The following CPNE4 variants were observed in gnomAD, a reference collection of about 807,000 sequenced individuals.
The protein encoded by CPNE4 is copine 4, also known as copine-4.
Under a neutral mutation model 67.9 loss-of-function variants are expected in CPNE4, and 25 were observed. That is an observed-to-expected ratio of 0.37 (90% CI 0.27 to 0.51). The LOEUF (loss-of-function observed/expected upper bound fraction) is 0.51. Among genes scored for constraint, CPNE4 ranks in the 20% least tolerant of loss-of-function variants. CPNE4 has a pLI of 0.93. For missense variants in CPNE4, 464 were observed against 690.8 expected (o/e 0.67, Z 3.68); for synonymous variants, 242 against 244.9 (o/e 0.99, Z 0.11).
chr3:131,843,975 A>T (rs1204487335), intron 2 of CPNE4, among the ~76,000 whole-genome samples: 1 of 152,186 alleles, frequency 6.6e-6, no homozygotes, highest in East Asian at 1.9e-4. Flanking sequence ...TGTCCCTTGG[A>T]TAGAGCTGCT....
intron 2 of CPNE4, among the ~76,000 whole-genome samples, chr3:131,852,334 G>T (rs948341776): frequency 6.6e-6 from 1 of 151,872 alleles, no homozygotes; most frequent in Non-Finnish European, 1.5e-5. Flanking sequence ...AGGTAAGTGG[G>T]TTTCATCTCA....
At chr3:131,589,137 G>A (rs72999243) in intron 7 of CPNE4, among the ~76,000 whole-genome samples, 3,806 of 152,178 alleles carry the variant, frequency 0.025, 83 homozygotes, top group African/African-American at 0.067. Context: ...GAATTGGCTC[G>A]CACAATTACA....
At chr3:132,007,021 G>A (rs1321098767) in intron 1 of CPNE4, among the ~76,000 whole-genome samples, 2 of 152,102 alleles carry the variant, frequency 1.3e-5, no homozygotes, top group African/African-American at 4.8e-5. Flanking sequence ...CATTTCTGCT[G>A]GTCCAGGGCT....
intron 2 of CPNE4, among the ~76,000 whole-genome samples, chr3:131,902,704 T>C (rs2088598642): frequency 6.6e-6 from 1 of 152,058 alleles, no homozygotes; most frequent in African/African-American, 2.4e-5. Flanking sequence ...AAGACTAAAA[T>C]AAATATGTAC....
chr3:131,973,559 A>C (rs1203999780), intron 1 of CPNE4, among the ~76,000 whole-genome samples: 4 of 152,230 alleles, frequency 2.6e-5, no homozygotes, highest in Non-Finnish European at 5.9e-5. Context: ...AAGGAAGCTG[A>C]GAATCAAAAA....
At chr3:131,741,684 T>C (rs140199540) in intron 2 of CPNE4, among the ~76,000 whole-genome samples, 1 of 152,300 alleles carries the variant, frequency 6.6e-6, no homozygotes, top group Admixed American at 6.5e-5. Context: ...AAGATTTGCC[T>C]GACTATGAAA....
At chr3:131,748,321 T>C (rs2082542207) in intron 2 of CPNE4, among the ~76,000 whole-genome samples, 1 of 152,060 alleles carries the variant, frequency 6.6e-6, no homozygotes, top group Non-Finnish European at 1.5e-5. Context: ...AGTCATAGTG[T>C]ATAATTCTTT....
intron 7 of CPNE4, among the ~76,000 whole-genome samples, chr3:131,638,803 A>C (rs1320220465): frequency 6.6e-6 from 1 of 152,190 alleles, no homozygotes; most frequent in Non-Finnish European, 1.5e-5. Flanking sequence ...TAAGAAAATC[A>C]AAATTATATC....
At chr3:131,834,611 C>CA (rs2085489060) in intron 2 of CPNE4, among the ~76,000 whole-genome samples, 1 of 151,306 alleles carries the variant, frequency 6.6e-6, no homozygotes, top group African/African-American at 2.4e-5. Flanking sequence ...CAACTTTTCA[C>CA]AAAAAAATAA....
chr3:132,010,271 G>A (rs11928040), intron 1 of CPNE4, among the ~76,000 whole-genome samples: 98,887 of 151,864 alleles, frequency 0.65, 33,026 homozygotes, highest in South Asian at 0.75. Context: ...TGACAAGAAA[G>A]CATTTAGCAC....
rs753358858 is a variant in CPNE4 at position 131,534,961 on chromosome 3, T to C, written c.*234A>G. The C allele has an allele frequency of 1.4e-4, 49 of 346,990 alleles. No individual in the cohort carries two copies. The highest frequency in any genetic ancestry group is 2.3e-4 in the Non-Finnish European group (44 of 194,224). 21.5% of individuals were successfully genotyped at this position (346,990 alleles called of 1,614,324 possible). On this transcript the variant is annotated 3_prime_UTR_variant, in exon 16 of 16. Coordinates refer to ENST00000429747, the MANE Select transcript of CPNE4 (RefSeq NM_130808.3). ...GACATGCTGTAATGTAAATAGTAAG[T>C]TATTGTTATCTGTGTTTCTTTGTAA... is the stretch of plus-strand genomic sequence containing the variant.
intron 7 of CPNE4, among the ~76,000 whole-genome samples, chr3:131,638,225 T>A (rs1335505978): frequency 6.6e-6 from 1 of 152,162 alleles, no homozygotes; most frequent in Non-Finnish European, 1.5e-5. Flanking sequence ...GCCTAAATGT[T>A]CCACTTAAAA....
chr3:131,866,850 G>A (rs916534486), intron 2 of CPNE4, among the ~76,000 whole-genome samples: 2 of 152,188 alleles, frequency 1.3e-5, no homozygotes, highest in African/African-American at 4.8e-5. Context: ...AATTAATAAA[G>A]TCTGCCAGAG....
chr3:131,814,891 A>C (rs1160171262), intron 2 of CPNE4, among the ~76,000 whole-genome samples: 1 of 151,998 alleles, frequency 6.6e-6, no homozygotes, highest in Non-Finnish European at 1.5e-5. Flanking sequence ...GGCGTGAGCC[A>C]CCGCGCCCGG....
chr3:131,534,058 A>G lies in CPNE4; in HGVS notation c.*1137T>C, dbSNP rs1935010256. ...CTCAAAGGTCAATTTAGTGGACCAG[A>G]TATCGGGAGCTGTACTGCATAGCCA... On this transcript the variant is annotated 3_prime_UTR_variant, in exon 16 of 16. Coordinates refer to ENST00000429747, the MANE Select transcript of CPNE4 (RefSeq NM_130808.3). 1 of 152,180 alleles carries G rather than the reference A, an allele frequency of 6.6e-6. No homozygotes were observed. Among genetic ancestry groups the G allele is most frequent in the South Asian group, 2.1e-4 (1 of 4,830 alleles). The allele number at this position is 152,180 out of a possible 1,614,324, so 9.4% of individuals were successfully genotyped here.
At chr3:131,936,650 C>CAA (rs112919063) in intron 1 of CPNE4, among the ~76,000 whole-genome samples, 27,721 of 149,088 alleles carry the variant, frequency 0.19, 2,769 homozygotes, top group East Asian at 0.31. Context: ...TGGAAAAGAG[C>CAA]AAAAAAAAAA....
chr3:131,966,249 A>C (rs1396199142), intron 1 of CPNE4, among the ~76,000 whole-genome samples: 1 of 152,238 alleles, frequency 6.6e-6, no homozygotes, highest in South Asian at 2.1e-4. Context: ...TTATAGCACT[A>C]AATGCCCACA....
rs191877087 is a variant in CPNE4 at position 131,861,989 on chromosome 3, T to C, written c.180+43275A>G. On this transcript the variant is annotated intron_variant, in intron 2 of 15. Coordinates refer to ENST00000429747, the MANE Select transcript of CPNE4 (RefSeq NM_130808.3). Reference sequence around the variant, plus strand: ...TGAGGACACCAATATTTAGACATCATCTCCCTACTCAGGATTAAGCAGAAT... The same window carrying C: ...TGAGGACACCAATATTTAGACATCACCTCCCTACTCAGGATTAAGCAGAAT... Among the ~76,000 whole-genome samples the C allele has an allele frequency of 3.9e-3, 589 of 152,276 alleles. 5 individuals are homozygous for C. The highest frequency in any genetic ancestry group is 0.014 in the African/African-American group (563 of 41,560).
chr3:131,945,966 C>G (rs1031277961), intron 1 of CPNE4, among the ~76,000 whole-genome samples: 2 of 152,194 alleles, frequency 1.3e-5, no homozygotes, highest in Non-Finnish European at 2.9e-5. Flanking sequence ...CTACCCATCT[C>G]AAACCTACTA....
Sources: gnomAD v4.1 joint callset for allele counts (sites outside exome capture counted in the v4.1 genomes callset) on GRCh38, gnomAD v4.1.1 for gene constraint, MANE v1.5 for transcripts, NCBI Gene and HGNC (gene_info 2026-07-23, HGNC 2026-07-21) for gene names.